RALGAPA1: variants seen among roughly 807,000 people sequenced by gnomAD.
RALGAPA1 encodes the protein ral GTPase-activating protein subunit alpha-1.
In RALGAPA1, 52 loss-of-function variants were observed where a neutral mutation model predicts 269.6. That is an observed-to-expected ratio of 0.19 (90% CI 0.15 to 0.24). The LOEUF (loss-of-function observed/expected upper bound fraction) is 0.24. Among genes scored for constraint, RALGAPA1 ranks in the 10% least tolerant of loss-of-function variants. The pLI, the probability that RALGAPA1 is intolerant of heterozygous loss-of-function variation, is 1.00. For synonymous variants in RALGAPA1, 817 were observed against 1,008.3 expected, an observed-to-expected ratio of 0.81 and a Z score of 3.60; for missense variants, 1,917 against 3,013.9, an observed-to-expected ratio of 0.64 and a Z score of 8.52.
intron 1 of RALGAPA1, among the ~76,000 whole-genome samples, chr14:35,777,184 AT>A (rs1314854818): frequency 6.6e-6 from 1 of 152,144 alleles, no homozygotes; most frequent in East Asian, 1.9e-4. Flanking sequence ...TTAAGATACC[AT>A]TTTTAAGTGC....
At position 35,674,404 on chromosome 14, in the gene RALGAPA1, G is replaced by A. The variant is rs1345487897; in HGVS notation, c.4818+112C>T. 5.7e-6 allele frequency: 7 copies of A among 1,232,782 alleles called. No homozygotes were observed. In the Admixed American group the frequency reaches 1.5e-4, roughly 26 times the overall value. The allele number at this position is 1,232,782 out of a possible 1,614,324, so 76.4% of individuals were successfully genotyped here. A position where few individuals can be genotyped will look rare whatever the true frequency, so the allele number is the denominator to read the frequency against. The stretch of plus-strand genomic sequence containing the variant: ...AATTACAATTAAGTGACTTTGCCAT[G>A]CAGGGTACCAGTTTATAGTCAAAAA... On this transcript the variant is annotated intron_variant, in intron 23 of 41. Coordinates refer to ENST00000680220, the MANE Select transcript of RALGAPA1 (RefSeq NM_001346249.2).
intron 39 of RALGAPA1, among the ~76,000 whole-genome samples, chr14:35,554,466 C>T (rs2055373783): frequency 6.7e-6 from 1 of 148,384 alleles, no homozygotes; most frequent in African/African-American, 2.5e-5. Flanking sequence ...CCTGCCTCAG[C>T]CTCCCAAGTA....
At chr14:35,621,117 C>T (rs1240572132) in intron 35 of RALGAPA1, among the ~76,000 whole-genome samples, 8 of 152,278 alleles carry the variant, frequency 5.3e-5, no homozygotes, top group Non-Finnish European at 1.5e-5. Context: ...AAACATACTA[C>T]AAGGCTACAG....
intron 37 of RALGAPA1, among the ~76,000 whole-genome samples, chr14:35,577,203 C>T (rs2057625654): frequency 6.6e-6 from 1 of 152,074 alleles, no homozygotes; most frequent in Non-Finnish European, 1.5e-5. Context: ...TAGTCTATGG[C>T]CTGCTCCATG....
chr14:35,583,331 T>G (rs142468179), intron 37 of RALGAPA1, among the ~76,000 whole-genome samples: 26 of 152,314 alleles, frequency 1.7e-4, no homozygotes, highest in Admixed American at 3.9e-4. Flanking sequence ...ATGTCTTTGA[T>G]AGGCTCATTC....
At chr14:35,750,185 C>T (rs983113096) in intron 9 of RALGAPA1, among the ~76,000 whole-genome samples, 2 of 152,086 alleles carry the variant, frequency 1.3e-5, no homozygotes, top group African/African-American at 4.8e-5. Context: ...CAGTTCTTTT[C>T]ACTTGTAAGA....
In RALGAPA1 at chr14:35,659,163, T is replaced by C. The variant is rs776677927; in HGVS notation, c.5362A>G (p.Arg1788Gly). The C allele has an allele frequency of 6.2e-7, 1 of 1,611,138 alleles. No individual in the cohort carries two copies. The highest frequency in any genetic ancestry group is 1.1e-5 in the South Asian group (1 of 90,794). Residue 1788 changes from arginine (R) to glycine (G), a missense_variant, in exon 28 of 42, where the codon AGA becomes GGA. Arg to Gly is a moderately radical substitution (Grantham distance 125, BLOSUM62 -2). Around this residue, in one of 11 missense-constraint regions of RALGAPA1, gnomAD observed 346 missense variants for 566.1 expected, o/e 0.61. Transcript: ENST00000680220. The stretch of plus-strand genomic sequence containing the variant: ...CGTGCAGGACCAGAGGGCTCATCTC[T>C]TGCCGAGCTTAATACAGTTTTGATT... ...LIIKTVLSSA[R>G]DEPSGPARCV... is the part of the protein sequence containing the mutation.
chr14:35,568,123 T>C (rs998035268), intron 39 of RALGAPA1, among the ~76,000 whole-genome samples: 4 of 152,110 alleles, frequency 2.6e-5, no homozygotes, highest in African/African-American at 9.7e-5. Context: ...GAAAAGTATA[T>C]GCCAATAAAC....
rs188053433 is a variant in RALGAPA1 at position 35,688,867 on chromosome 14, C to G, written c.3544G>C (p.Gly1182Arg). The G allele has an allele frequency of 4.3e-5, 55 of 1,280,482 alleles. No homozygotes were observed. Among genetic ancestry groups the G allele is most frequent in the Admixed American group, 7.3e-5 (2 of 27,484 alleles). The allele number at this position is 1,280,482 out of a possible 1,614,324, so 79.3% of individuals were successfully genotyped here. A position where few individuals can be genotyped will look rare whatever the true frequency, so the allele number is the denominator to read the frequency against. ...TTGCTGCTACCACTACTAAAGCCACCGAGCTTCCGCAGTCTCATCTTCCAT... is the reference window on the plus strand; with the variant it reads ...TTGCTGCTACCACTACTAAAGCCACGGAGCTTCCGCAGTCTCATCTTCCAT... The part of the protein sequence containing the change: ...APWKMRLRKL[G>R]GFSSGSSNSS... Residue 1182 changes from glycine (G) to arginine (R), a missense_variant, in exon 18 of 42, where the codon GGT (glycine) becomes CGT (arginine). This residue lies in a region of RALGAPA1 where 615 missense variants were observed against 790.0 expected (regional missense o/e 0.78). Transcript: ENST00000680220.
chr14:35,742,203 G>T (rs1371024435), intron 11 of RALGAPA1, among the ~76,000 whole-genome samples, 165 bp downstream of exon 11: 1 of 152,116 alleles, frequency 6.6e-6, no homozygotes, highest in Non-Finnish European at 1.5e-5. Context: ...TTGCTATACG[G>T]TACTGAGATG....
Position 35,688,612 on chromosome 14 carries a change from C to G in RALGAPA1, c.3799G>C (p.Gly1267Arg). Residue 1267 changes from glycine (G) to arginine (R), a missense_variant, in exon 18 of 42, where the codon GGC becomes CGC. This residue lies in a region of RALGAPA1 where 615 missense variants were observed against 790.0 expected (regional missense o/e 0.78). Coordinates refer to ENST00000680220, the MANE Select transcript of RALGAPA1 (RefSeq NM_001346249.2). ...SSSHEAGLQQGSLGGVYKTVV... is the reference protein window; with the variant it reads ...SSSHEAGLQQRSLGGVYKTVV... ...GTTTTATAAACGCCACCCAGGGAGC[C>G]CTGCTGTAGTCCTGCCTCATGACTT... 1 of 1,535,246 alleles carries G rather than the reference C, an allele frequency of 6.5e-7. No homozygotes were observed. The highest frequency in any genetic ancestry group is 1.2e-5 in the South Asian group (1 of 84,012).
intron 1 of RALGAPA1, among the ~76,000 whole-genome samples, chr14:35,789,920 C>G (rs2076039349): frequency 6.6e-6 from 1 of 152,102 alleles, no homozygotes; most frequent in African/African-American, 2.4e-5. Flanking sequence ...TCACCACGAG[C>G]AAAGCTCACC....
At chr14:35,762,199 T>C (rs925446758) in intron 5 of RALGAPA1, among the ~76,000 whole-genome samples, 3 of 152,066 alleles carry the variant, frequency 2.0e-5, no homozygotes, top group East Asian at 1.9e-4. Context: ...GTTTTTTCAA[T>C]GTCCCCAGTC....
intron 16 of RALGAPA1, among the ~76,000 whole-genome samples, chr14:35,718,843 T>A (rs1268362212): frequency 6.7e-6 from 1 of 149,510 alleles, no homozygotes; most frequent in East Asian, 1.9e-4. Flanking sequence ...AAAATGGATT[T>A]TTTTTTTTTT....
At chr14:35,568,637 G>A (rs1439328136) in intron 39 of RALGAPA1, among the ~76,000 whole-genome samples, 1 of 152,136 alleles carries the variant, frequency 6.6e-6, no homozygotes, top group Non-Finnish European at 1.5e-5. Flanking sequence ...CTGGGGAAAA[G>A]ACTCAAGATT....
rs200215185 is a variant in RALGAPA1, at chr14:35,627,215, C to T, written c.6732G>A (p.Lys2244=). The change falls in exon 34 of 42, where the codon AAG becomes AAA. Residue 2244 remains lysine (K), a synonymous_variant. Coordinates refer to ENST00000680220, the MANE Select transcript of RALGAPA1 (RefSeq NM_001346249.2). ...CTTTCATGTTTAAGTCATTAAAGTG[C>T]TTCTCAACAAATTCTTTTTCTTCTG... is the stretch of plus-strand genomic sequence containing the variant. ...QHTEEKEFVE[K]HFNDLNMKAV... The T allele has an allele frequency of 8.0e-5, 128 of 1,600,992 alleles. No homozygotes were observed. The highest frequency in any genetic ancestry group is 9.8e-5 in the Non-Finnish European group (115 of 1,176,888).
chr14:35,742,274 T>TAA, intron 11 of RALGAPA1, 94 bp downstream of exon 11: 1 of 932,822 alleles, frequency 1.1e-6, no homozygotes. Flanking sequence ...TCTTCCCATT[T>TAA]AATAAGTATA....
chr14:35,751,883 T>G, intron 8 of RALGAPA1, 141 bp downstream of exon 8: 1 of 1,127,590 alleles, frequency 8.9e-7, no homozygotes, highest in Non-Finnish European at 1.1e-6. Context: ...GCTTTCAGTA[T>G]GAATCTAGGT....
At chr14:35,704,013 G>A in intron 16 of RALGAPA1, among the ~76,000 whole-genome samples, 1 of 152,044 alleles carries the variant, frequency 6.6e-6, no homozygotes. Context: ...AAATAAACAT[G>A]AGGAAGGCAA....
Sources: gnomAD v4.1 joint callset for allele counts (sites outside exome capture counted in the v4.1 genomes callset) on GRCh38, gnomAD v4.1.1 for gene constraint, gnomAD v4.1.1 regional missense constraint, MANE v1.5 for transcripts, NCBI Gene and HGNC (gene_info 2026-07-23, HGNC 2026-07-21) for gene names.